The following SMPD4 variants were observed in gnomAD, a reference collection of about 807,000 sequenced individuals.
SMPD4 encodes the protein neutral sphingomyelinase 3.
Under a neutral mutation model 97.8 loss-of-function variants are expected in SMPD4, and 58 were observed. The observed-to-expected ratio is 0.59, with a 90% CI of 0.48 to 0.74. The LOEUF (loss-of-function observed/expected upper bound fraction) is 0.74, where lower values mean the gene tolerates loss of function less well. Among genes scored for constraint, SMPD4 ranks in the 30% least tolerant of loss-of-function variants. The probability of loss-of-function intolerance (pLI) is 0.00; values close to 1 mark genes in which losing one functional copy is unlikely to be tolerated. For missense variants in SMPD4, 853 were observed against 1,080.5 expected (o/e 0.79, Z 2.95); for synonymous variants, 388 against 450.0 (o/e 0.86, Z 1.74).
At position 130,156,656 on chromosome 2, in the gene SMPD4, C is replaced by T. The variant is rs200309069; in HGVS notation, c.1117G>A (p.Val373Ile). ...EFKRAAVPRF[V>I]QQKLYLFLQH... ...AAGAAGAGGTAGAGTTTCTGCTGGACGAACCTCGGGACAGCAGCCCTGCAG... is the reference window on the plus strand; with the variant it reads ...AAGAAGAGGTAGAGTTTCTGCTGGATGAACCTCGGGACAGCAGCCCTGCAG... The change falls in exon 13 of 20, where the codon GTC becomes ATC. Residue 373 changes from valine to isoleucine, a missense_variant. Val to Ile is a conservative substitution (Grantham distance 29). Around this residue, in one of 3 missense-constraint regions of SMPD4, gnomAD observed 29 missense variants for 70.2 expected, o/e 0.41. Coordinates refer to ENST00000680298, the MANE Select transcript of SMPD4 (RefSeq NM_017951.5). 6 of 1,613,580 alleles carry T rather than the reference C, an allele frequency of 3.7e-6. No individual in the cohort carries two copies. Among genetic ancestry groups the T allele is most frequent in the Middle Eastern group, 1.6e-4 (1 of 6,070 alleles).
chr2:130,167,820 A>T (rs184868309), intron 8 of SMPD4, among the ~76,000 whole-genome samples: 1 of 152,206 alleles, frequency 6.6e-6, no homozygotes, highest in South Asian at 2.1e-4. Flanking sequence ...ATTGACCCAC[A>T]AATCAATGAA....
chr2:130,156,073 C>T lies in SMPD4; in HGVS notation c.1251G>A (p.Pro417=), dbSNP rs768942680. The T allele has an allele frequency of 8.1e-5, 131 of 1,611,226 alleles. 1 individual carries two copies. Among genetic ancestry groups the T allele is most frequent in the South Asian group, 2.3e-4 (21 of 90,992 alleles). ...PWRYAPDKQA[P]GSDSQPRCVS... is the part of the protein sequence containing the mutation. ...CACACCGGGGCTGGGAGTCGCTGCC[C>T]GGAGCCTGCTTGTCAGGCGCGTACC... The change falls in exon 14 of 20, where the codon CCG becomes CCA. Residue 417 remains proline, a synonymous_variant. Transcript: ENST00000680298.
rs750126105 is a variant in SMPD4 at position 130,152,574 on chromosome 2, C to T, written c.2465G>A (p.Gly822Glu). The T allele has an allele frequency of 4.2e-5, 65 of 1,547,896 alleles. No individual in the cohort carries two copies. Among genetic ancestry groups the T allele is most frequent in the Non-Finnish European group, 5.6e-5 (64 of 1,145,456 alleles). Residue 822 changes from glycine (G) to glutamate (E), a missense_variant, in exon 20 of 20, where the codon GGG becomes GAG. Gly to Glu is a moderately conservative substitution (Grantham distance 98). Transcript: ENST00000680298. ...ASAMTLLTER[G>E]KLHQP ...ACACCTTCAGGGCTGGTGCAGCTTC[C>T]CCCGCTCGGTCAGCAGTGTCATGGC...
At position 130,172,804 on chromosome 2, in the gene SMPD4, C is replaced by A. The variant is rs138814667; in HGVS notation, c.437G>T (p.Gly146Val). The change falls in exon 6 of 20, where the codon GGT (glycine) becomes GTT (valine). Residue 146 changes from glycine to valine, a missense_variant. This residue lies in a region of SMPD4 where 313 missense variants were observed against 402.2 expected (regional missense o/e 0.78). Transcript: ENST00000680298. ...AAGGATACTCAGGGCCAAGTTCAGACCAAGGCCCCCAGTAGGGGTGAACTG... is the reference window on the plus strand; with the variant it reads ...AAGGATACTCAGGGCCAAGTTCAGAACAAGGCCCCCAGTAGGGGTGAACTG... ...KVQFTPTGGL[G>V]LNLALNPFEY... is the part of the protein sequence containing the mutation. 6.2e-6 allele frequency: 10 copies of A among 1,614,198 alleles called. No individual in the cohort carries two copies. The highest frequency in any genetic ancestry group is 7.6e-6 in the Non-Finnish European group (9 of 1,180,044).
At chr2:130,160,189 T>G (rs1558747528) in intron 11 of SMPD4, among the ~76,000 whole-genome samples, 2 of 152,180 alleles carry the variant, frequency 1.3e-5, no homozygotes, top group Non-Finnish European at 2.9e-5. Context: ...GTTTGCCAGA[T>G]GCTTTCTGGA....
Position 130,157,383 on chromosome 2 carries a change from G to A in SMPD4, c.965C>T (p.Pro322Leu), listed in dbSNP as rs1208632109. The A allele has an allele frequency of 6.2e-7, 1 of 1,610,140 alleles. No homozygotes were observed. The highest frequency in any genetic ancestry group is 1.7e-5 in the Admixed American group (1 of 59,756). ...CACCACCAACACATGCTCCTCAGTA[G>A]GCGTGAACGACTCCTGGGTGGAGAA... ...ALHAYQESFTPTEEHVLVVRL... is the reference protein window; with the variant it reads ...ALHAYQESFTLTEEHVLVVRL... Residue 322 changes from proline (P) to leucine (L), a missense_variant, in exon 12 of 20, where the codon CCT becomes CTT. By Grantham distance (98) the Pro-to-Leu change is moderately conservative. Coordinates refer to ENST00000680298, the MANE Select transcript of SMPD4 (RefSeq NM_017951.5).
At chr2:130,164,592 A>G (rs746877374) in intron 9 of SMPD4, 147 bp from the exon 10 acceptor site, 16 of 643,712 alleles carry the variant, frequency 2.5e-5, no homozygotes, top group Middle Eastern at 5.0e-4. Context: ...CCTTCACACC[A>G]TCACCAAAAA....
intron 8 of SMPD4, among the ~76,000 whole-genome samples, chr2:130,170,876 C>G (rs1163787462): frequency 6.6e-6 from 1 of 151,822 alleles, no homozygotes; most frequent in Non-Finnish European, 1.5e-5. Context: ...GCCTGGCCAA[C>G]ATGGTGAAAC....
rs558804125 is a variant in SMPD4 at position 130,165,380 on chromosome 2, C to T, written c.793-935G>A. Among the ~76,000 whole-genome samples the T allele has an allele frequency of 1.3e-4, 19 of 151,034 alleles. No homozygotes were observed. In the South Asian group the frequency reaches 4.0e-3, roughly 32 times the overall value. On this transcript the variant is annotated intron_variant, in intron 9 of 19. Transcript: ENST00000680298. ...GGCAGAGGTTGTGGTAAGCCAAAATCGTGCCACTCCACTCCAACCTGGGCA... is the reference window on the plus strand; with the variant it reads ...GGCAGAGGTTGTGGTAAGCCAAAATTGTGCCACTCCACTCCAACCTGGGCA...
chr2:130,181,256 C>A (rs1197340995), intron 1 of SMPD4: 1 of 1,352,636 alleles, frequency 7.4e-7, no homozygotes, highest in African/African-American at 1.5e-5. Flanking sequence ...CTCCTTCCCT[C>A]AATTCCTTCA....
At chr2:130,167,300 T>C (rs946163750) in intron 9 of SMPD4, among the ~76,000 whole-genome samples, 158 bp downstream of exon 9, 2 of 152,164 alleles carry the variant, frequency 1.3e-5, no homozygotes, top group African/African-American at 4.8e-5. Flanking sequence ...TTTGTGTTTT[T>C]AGTAGAGACG....
At chr2:130,167,872 A>G (rs1436879508) in intron 8 of SMPD4, among the ~76,000 whole-genome samples, 10 of 152,198 alleles carry the variant, frequency 6.6e-5, no homozygotes, top group East Asian at 1.9e-4. Context: ...TAACCGCCCT[A>G]TTAATAGCTG....
intron 3 of SMPD4, among the ~76,000 whole-genome samples, chr2:130,174,302 T>A (rs1166104592): frequency 1.3e-5 from 2 of 152,200 alleles, no homozygotes; most frequent in African/African-American, 2.4e-5. Flanking sequence ...ATTACAGGCA[T>A]GAGCCACCAC....
intron 2 of SMPD4, 116 bp from the exon 3 acceptor site, chr2:130,175,116 ACCT>A (rs1688847863): frequency 5.7e-6 from 4 of 696,302 alleles, no homozygotes; most frequent in African/African-American, 1.8e-5. Flanking sequence ...CAGACCCATA[ACCT>A]CTGGCCTGGT....
intron 2 of SMPD4, among the ~76,000 whole-genome samples, chr2:130,175,608 A>G (rs1461201424): frequency 6.6e-6 from 1 of 152,224 alleles, no homozygotes; most frequent in African/African-American, 2.4e-5. Context: ...GGCAATGGAG[A>G]GGCCAGAAAA....
intron 2 of SMPD4, among the ~76,000 whole-genome samples, chr2:130,175,243 T>G (rs1447779986): frequency 1.3e-5 from 2 of 151,730 alleles, no homozygotes; most frequent in Non-Finnish European, 2.9e-5. Context: ...CCCCTCAGAG[T>G]GCTGCACATG....
chr2:130,164,125 C>A (rs1687690204), intron 10 of SMPD4, among the ~76,000 whole-genome samples: 1 of 152,208 alleles, frequency 6.6e-6, no homozygotes, highest in African/African-American at 2.4e-5. Flanking sequence ...GGAAGCTGCA[C>A]AGGGAGGGCC....
chr2:130,154,202 T>C, intron 16 of SMPD4, 75 bp downstream of exon 16: 1 of 1,472,622 alleles, frequency 6.8e-7, no homozygotes, highest in Non-Finnish European at 9.0e-7. Flanking sequence ...TCCTGCTGGA[T>C]CACAGCACTT....
At chr2:130,159,637 C>CA (rs543921050) in intron 11 of SMPD4, 3,789 of 72,718 alleles carry the variant, frequency 0.052, 176 homozygotes, top group African/African-American at 0.16. Flanking sequence ...GACTCCATCT[C>CA]AAAAAAAAAA....
Sources: gnomAD v4.1 joint callset for allele counts (sites outside exome capture counted in the v4.1 genomes callset) on GRCh38, gnomAD v4.1.1 for gene constraint, gnomAD v4.1.1 regional missense constraint, MANE v1.5 for transcripts, NCBI Gene and HGNC (gene_info 2026-07-23, HGNC 2026-07-21) for gene names.